The following USP9X variants were observed in gnomAD, a reference collection of about 807,000 sequenced individuals.
The protein encoded by USP9X is ubiquitin carboxyl-terminal hydrolase 9X.
USP9X carries 7 observed loss-of-function variants against 190.3 expected under a neutral mutation model. The observed-to-expected ratio is 0.04, with a 90% confidence interval of 0.02 to 0.07. The LOEUF (loss-of-function observed/expected upper bound fraction) is 0.07, where lower values mean the gene tolerates loss of function less well. Ranked by LOEUF, USP9X falls within the 10% of genes least tolerant of loss-of-function variation. The pLI, the probability that USP9X is intolerant of heterozygous loss-of-function variation, is 1.00. For synonymous variants in USP9X, 645 were observed against 659.5 expected (o/e 0.98, Z 0.34); for missense variants, 1,010 against 1,916.9 (o/e 0.53, Z 8.83).
At chrX:41,125,436 A>G (rs1450757397) in intron 2 of USP9X, among the ~76,000 whole-genome samples, 2 of 106,792 alleles carry the variant, frequency 1.9e-5, no homozygotes, top group Non-Finnish European at 3.9e-5. Context: ...TTGGTAAATT[A>G]TGGTTTTCAA....
chrX:41,159,643 C>A (rs538627251), intron 14 of USP9X, among the ~76,000 whole-genome samples: 2 of 111,104 alleles, frequency 1.8e-5, no homozygotes, highest in South Asian at 7.6e-4. Context: ...GATTATCATG[C>A]CTCAACCTCC....
intron 43 of USP9X, 82 bp downstream of exon 43, chrX:41,229,861 A>AT: frequency 8.6e-7 from 1 of 1,167,571 alleles, no homozygotes; most frequent in Non-Finnish European, 1.1e-6. Flanking sequence ...GTGTTTATGT[A>AT]TTAATGATAT....
At chrX:41,123,436 TA>T in intron 1 of USP9X, 34 bp from the exon 2 acceptor site, 1 of 416,864 alleles carries the variant, frequency 2.4e-6, no homozygotes, top group South Asian at 3.6e-5. Context: ...TTTTTATATC[TA>T]AAACCAATTA....
At chrX:41,124,454 GAA>G (rs899654051) in intron 2 of USP9X, among the ~76,000 whole-genome samples, 1 of 111,513 alleles carries the variant, frequency 9.0e-6, no homozygotes, top group African/African-American at 3.3e-5. Flanking sequence ...CGAAAAAAAA[GAA>G]AAGTGAACAT....
rs764411865 is a variant in USP9X, at chrX:41,197,480, T to C, written c.4350T>C (p.Gly1450=). The change falls in exon 29 of 45, where the codon GGT becomes GGC. Residue 1450 remains glycine, a synonymous_variant. Coordinates refer to ENST00000378308, the MANE Select transcript of USP9X (RefSeq NM_001039591.3). ...FQTSEKKFHI[G]CEKGGANLIK... ...CTTCTGAGAAAAAATTTCATATTGG[T>C]TGTGAAAAAGGAGGTGCTAATCTCA... 17 of 1,210,220 alleles carry C rather than the reference T, an allele frequency of 1.4e-5. No homozygotes were observed. In the South Asian group the frequency reaches 3.0e-4, roughly 21 times the overall value.
intron 15 of USP9X, 134 bp from the exon 16 acceptor site, chrX:41,165,737 AT>A: frequency 3.7e-6 from 2 of 542,973 alleles, no homozygotes; most frequent in Non-Finnish European, 5.6e-6. Context: ...GAAATAGGTT[AT>A]TTTGAAAGAA....
rs1274320329 is a variant in USP9X at position 41,094,754 on chromosome X, T to G, written c.-159+8645T>G. 2.8e-4 allele frequency among the ~76,000 whole-genome samples: 31 copies of G among 110,061 alleles called. No individual in the cohort carries two copies. In the Admixed American group the frequency reaches 2.9e-3, roughly 10 times the overall value. On this transcript the variant is annotated intron_variant, in intron 1 of 44. Transcript: ENST00000378308. ...GAGTGAAAATTCAAAATCCGAAATT[T>G]GGGGCCAGGCGCGGTGGCTCACCCC...
Position 41,198,540 on chromosome X carries a change from G to T in USP9X, c.4393G>T (p.Asp1465Tyr). 1 of 1,200,447 alleles carries T rather than the reference G, an allele frequency of 8.3e-7. No individual in the cohort carries two copies. The highest frequency in any genetic ancestry group is 1.1e-6 in the Non-Finnish European group (1 of 888,754). The change falls in exon 30 of 45, where the codon GAT becomes TAT. Residue 1465 changes from aspartate to tyrosine, a missense_variant. Around this residue, in one of 11 missense-constraint regions of USP9X, gnomAD observed 351 missense variants for 480.8 expected, o/e 0.73. Coordinates refer to ENST00000378308, the MANE Select transcript of USP9X (RefSeq NM_001039591.3). ...TTCAACTTTTTAGGAATTAATTGAT[G>T]ATTTCATATTTCCTGCATCCAATGT... ...GANLIKELID[D>Y]FIFPASNVYL...
intron 32 of USP9X, among the ~76,000 whole-genome samples, chrX:41,207,152 G>A (rs762283223): frequency 2.5e-4 from 22 of 87,319 alleles, no homozygotes; most frequent in African/African-American, 9.6e-4. Context: ...GCAATGGCTC[G>A]ATCTCAGCTC....
At chrX:41,192,110 G>A (rs1383155531) in intron 26 of USP9X, among the ~76,000 whole-genome samples, 4 of 111,560 alleles carry the variant, frequency 3.6e-5, no homozygotes, top group South Asian at 3.7e-4. Flanking sequence ...TTGACTACAC[G>A]GCAAGCAGAG....
intron 18 of USP9X, 139 bp downstream of exon 18, chrX:41,168,357 A>C (rs2062695488): frequency 1.9e-6 from 1 of 526,976 alleles, no homozygotes; most frequent in African/African-American, 2.5e-5. Flanking sequence ...ATTTCATCTA[A>C]TTTTTTTTAA....
At chrX:41,163,847 A>T (rs1029397326) in intron 15 of USP9X, among the ~76,000 whole-genome samples, 2 of 110,438 alleles carry the variant, frequency 1.8e-5, no homozygotes, top group Non-Finnish European at 3.8e-5. Flanking sequence ...AAATGCCCAG[A>T]TTATCACTGC....
intron 32 of USP9X, among the ~76,000 whole-genome samples, chrX:41,206,092 A>C (rs2063092830): frequency 9.1e-6 from 1 of 109,598 alleles, no homozygotes; most frequent in Admixed American, 9.8e-5. Context: ...GGGTTTTACC[A>C]TGTTGGCCCA....
At chrX:41,111,222 T>C in intron 1 of USP9X, among the ~76,000 whole-genome samples, 1 of 111,654 alleles carries the variant, frequency 9.0e-6, no homozygotes, top group Middle Eastern at 4.6e-3. Flanking sequence ...CTTGTATTAA[T>C]AAAAGAGACT....
At chrX:41,139,207 T>G (rs1264238279) in intron 6 of USP9X, among the ~76,000 whole-genome samples, 2 of 112,499 alleles carry the variant, frequency 1.8e-5, no homozygotes, top group Non-Finnish European at 3.8e-5. Flanking sequence ...TTACAATTGC[T>G]GAATGACAAA....
intron 1 of USP9X, among the ~76,000 whole-genome samples, chrX:41,089,366 G>C (rs1033982077): frequency 1.8e-5 from 2 of 111,888 alleles, no homozygotes; most frequent in African/African-American, 6.5e-5. Flanking sequence ...CTTTTGGTTT[G>C]TTTCTCGTAC....
intron 18 of USP9X, 132 bp from the exon 19 acceptor site, chrX:41,169,863 A>T: frequency 4.7e-6 from 4 of 851,369 alleles, no homozygotes; most frequent in Non-Finnish European, 6.7e-6. Context: ...AAGCTGTATT[A>T]AGTATCTTTA....
chrX:41,211,332 A>G (rs7062633), intron 33 of USP9X, among the ~76,000 whole-genome samples: 14,906 of 112,057 alleles, frequency 0.13, 893 homozygotes, highest in East Asian at 0.21. Flanking sequence ...CTGAGGAAAT[A>G]AAATGGCATT....
chrX:41,195,268 C>T (rs748647801), intron 26 of USP9X, among the ~76,000 whole-genome samples: 109 of 110,978 alleles, frequency 9.8e-4, no homozygotes, highest in Non-Finnish European at 1.9e-3. Flanking sequence ...ACCTCTTGAC[C>T]TCCTGATCCG....
Sources: gnomAD v4.1 joint callset for allele counts (sites outside exome capture counted in the v4.1 genomes callset) on GRCh38, gnomAD v4.1.1 for gene constraint, gnomAD v4.1.1 regional missense constraint, MANE v1.5 for transcripts, NCBI Gene and HGNC (gene_info 2026-07-23, HGNC 2026-07-21) for gene names.